The following SLC7A14 variants were observed in gnomAD, a reference collection of about 807,000 sequenced individuals.
SLC7A14 encodes gamma-aminobutyric acid transporter SLC7A14.
In SLC7A14, 37 loss-of-function variants were observed where a neutral mutation model predicts 60.2. The ratio of observed to expected loss-of-function variants is 0.61; its 90% CI spans 0.47 to 0.81. SLC7A14 has a LOEUF of 0.81. SLC7A14 is among the 30% of genes least tolerant of loss of function. The pLI, the probability that SLC7A14 is intolerant of heterozygous loss-of-function variation, is 0.00. For missense variants in SLC7A14, 886 were observed against 982.7 expected (o/e 0.90, Z 1.32); for synonymous variants, 399 against 395.8 (o/e 1.01, Z -0.10).
In SLC7A14 at chr3:170,483,476, G is replaced by A. The variant is rs149289989; in HGVS notation, c.953C>T (p.Thr318Met). 58 of 1,614,062 alleles carry A rather than the reference G, an allele frequency of 3.6e-5. No homozygotes were observed. The highest frequency in any genetic ancestry group is 2.3e-4 in the African/African-American group (17 of 74,898). The change falls in exon 6 of 8, where the codon ACG (threonine) becomes ATG (methionine). Residue 318 changes from threonine to methionine, a missense_variant. Coordinates refer to ENST00000231706, the MANE Select transcript of SLC7A14 (RefSeq NM_020949.3). ...TLMVPYYTID[T>M]ESPLMEMFVA... ...AAACATCTCCATGAGTGGGGATTCCGTGTCAATGGTATAATATGGCACCAT... is the reference window on the plus strand; with the variant it reads ...AAACATCTCCATGAGTGGGGATTCCATGTCAATGGTATAATATGGCACCAT...
At chr3:170,583,925 C>T (rs1174989483) in intron 1 of SLC7A14, among the ~76,000 whole-genome samples, 6 of 152,112 alleles carry the variant, frequency 3.9e-5, no homozygotes, top group Non-Finnish European at 8.8e-5. Context: ...AGCAGGCCTC[C>T]CTCCTTTGTC....
intron 1 of SLC7A14, among the ~76,000 whole-genome samples, chr3:170,551,939 CTTTTATT>C (rs1487537632): frequency 6.6e-6 from 1 of 152,002 alleles, no homozygotes; most frequent in Non-Finnish European, 1.5e-5. Context: ...TCTATTTTTC[CTTTTATT>C]GTTTATGCTT....
rs1341727245 is a variant in SLC7A14 at position 170,567,865 on chromosome 3, T to G, written c.-153+18046A>C. ...ACTTTTTGATGGGGTTGTTTTTTTT[T>G]TCTTGTAAATTTGTTTGAGTTCATT... On this transcript the variant is annotated intron_variant, in intron 1 of 7. Coordinates refer to ENST00000231706, the MANE Select transcript of SLC7A14 (RefSeq NM_020949.3). Among the ~76,000 whole-genome samples the G allele has an allele frequency of 1.7e-3, 253 of 151,938 alleles. 1 individual carries two copies. Among genetic ancestry groups the G allele is most frequent in the African/African-American group, 5.9e-3 (245 of 41,530 alleles).
At chr3:170,487,543 A>G (rs1712073596) in intron 4 of SLC7A14, among the ~76,000 whole-genome samples, 1 of 152,158 alleles carries the variant, frequency 6.6e-6, no homozygotes, top group African/African-American at 2.4e-5. Context: ...AACGTGTGCC[A>G]AGCTGACACT....
In SLC7A14 at chr3:170,465,566, C is replaced by T. The variant is rs372349301; in HGVS notation, c.*1489G>A. 2.0e-5 allele frequency: 3 copies of T among 152,198 alleles called. No individual in the cohort carries two copies. The highest frequency in any genetic ancestry group is 4.4e-5 in the Non-Finnish European group (3 of 68,040). The allele number at this position is 152,198 out of a possible 1,614,324, so 9.4% of individuals were successfully genotyped here. On this transcript the variant is annotated 3_prime_UTR_variant, in exon 8 of 8. Coordinates refer to ENST00000231706, the MANE Select transcript of SLC7A14 (RefSeq NM_020949.3). ...GTGCTAGCGAATATGTTCTGGAAAACGTTTGGCATACTGATACATCCAGGA... is the reference window on the plus strand; with the variant it reads ...GTGCTAGCGAATATGTTCTGGAAAATGTTTGGCATACTGATACATCCAGGA...
chr3:170,472,114 A>AGGCC (rs1739926499), intron 7 of SLC7A14, among the ~76,000 whole-genome samples: 1 of 151,930 alleles, frequency 6.6e-6, no homozygotes, highest in Non-Finnish European at 1.5e-5. Flanking sequence ...CATGCCTGTA[A>AGGCC]TCCCAGCACT....
intron 4 of SLC7A14, chr3:170,495,729 A>T: frequency 8.7e-7 from 1 of 1,146,744 alleles, no homozygotes; most frequent in Admixed American, 1.7e-5. Context: ...GCAGATCAAG[A>T]CCCTCAACAA....
chr3:170,546,330 T>C (rs1374404359), intron 1 of SLC7A14, among the ~76,000 whole-genome samples: 1 of 152,146 alleles, frequency 6.6e-6, no homozygotes, highest in Non-Finnish European at 1.5e-5. Flanking sequence ...GTGAAAACTA[T>C]GCAGAGAAAG....
intron 2 of SLC7A14, among the ~76,000 whole-genome samples, chr3:170,505,753 TG>T (rs896195827): frequency 1.3e-5 from 2 of 152,044 alleles, no homozygotes; most frequent in African/African-American, 4.8e-5. Flanking sequence ...CCAGGTGCAG[TG>T]GCGGACGCCT....
chr3:170,540,913 G>T (rs559278634), intron 1 of SLC7A14, among the ~76,000 whole-genome samples: 2 of 152,254 alleles, frequency 1.3e-5, no homozygotes, highest in African/African-American at 4.8e-5. Context: ...AATTGTTTAT[G>T]TGAATATAAA....
At chr3:170,496,575 C>A (rs1472394049) in intron 4 of SLC7A14, 2 of 1,598,290 alleles carry the variant, frequency 1.3e-6, no homozygotes, top group African/African-American at 1.3e-5. Context: ...GAACGTCAAA[C>A]TGGCCCTGGA....
chr3:170,505,259 A>G (rs1035061098), intron 2 of SLC7A14, among the ~76,000 whole-genome samples: 1 of 152,190 alleles, frequency 6.6e-6, no homozygotes, highest in African/African-American at 2.4e-5. Flanking sequence ...ATGGACTTTG[A>G]GCATCAAATA....
intron 7 of SLC7A14, among the ~76,000 whole-genome samples, chr3:170,474,465 A>T (rs1488258204): frequency 6.6e-6 from 1 of 152,170 alleles, no homozygotes; most frequent in African/African-American, 2.4e-5. Context: ...CCCTCCTTGG[A>T]ATCCCACCAG....
At chr3:170,521,836 G>T (rs186820722) in intron 2 of SLC7A14, among the ~76,000 whole-genome samples, 1 of 152,046 alleles carries the variant, frequency 6.6e-6, no homozygotes. Context: ...CAGAAGAGTC[G>T]CTTGAACCTG....
At chr3:170,493,505 TA>T in intron 4 of SLC7A14, among the ~76,000 whole-genome samples, 1 of 152,184 alleles carries the variant, frequency 6.6e-6, no homozygotes, top group South Asian at 2.1e-4. Context: ...AATTGAAGAA[TA>T]AAGTGGGTTG....
At chr3:170,495,186 CTGTTTTTTTGCAAACA>C (rs1397100241) in intron 4 of SLC7A14, among the ~76,000 whole-genome samples, 2 of 152,156 alleles carry the variant, frequency 1.3e-5, no homozygotes, top group Non-Finnish European at 2.9e-5. Context: ...CAAGATTTTG[CTGTTTTTTTGCAAACA>C]TGTAGTGCAA....
At position 170,535,243 on chromosome 3, in the gene SLC7A14, G is replaced by A. The variant is rs1713804970; in HGVS notation, c.-152-8155C>T. 3.3e-5 allele frequency among the ~76,000 whole-genome samples: 5 copies of A among 151,720 alleles called. No individual in the cohort carries two copies. The South Asian group carries it at 1.0e-3, about 32-fold the overall frequency. ...GTCATGTGTTATTCATTGTATATAA[G>A]ATAATATTAACAAAACCAGAGTTCA... On this transcript the variant is annotated intron_variant, in intron 1 of 7. Coordinates refer to ENST00000231706, the MANE Select transcript of SLC7A14 (RefSeq NM_020949.3). The surrounding 1 kb of genome is among the most constrained non-coding windows in gnomAD (Gnocchi z 4.3).
intron 6 of SLC7A14, among the ~76,000 whole-genome samples, chr3:170,482,916 T>C (rs79711060): frequency 6.6e-6 from 1 of 151,900 alleles, no homozygotes; most frequent in African/African-American, 2.4e-5. Context: ...TTTTTTTTTT[T>C]CATTTTCAGA....
At chr3:170,558,015 G>A (rs528225327) in intron 1 of SLC7A14, among the ~76,000 whole-genome samples, 1 of 152,138 alleles carries the variant, frequency 6.6e-6, no homozygotes, top group Non-Finnish European at 1.5e-5. Context: ...GGGGCAAAAA[G>A]TCTGTCTGGT....
Sources: allele counts gnomAD v4.1 joint callset (sites outside exome capture counted in the v4.1 genomes callset), GRCh38; gene constraint gnomAD v4.1.1; non-coding constraint Gnocchi (gnomAD v3.1); transcripts MANE v1.5; gene names NCBI Gene and HGNC (gene_info 2026-07-23, HGNC 2026-07-21).